Variants in IMMP2L observed in about 807,000 individuals in gnomAD.
IMMP2L encodes inner mitochondrial membrane peptidase subunit 2.
Under a neutral mutation model 19.3 loss-of-function variants are expected in IMMP2L, and 18 were observed. That is an observed-to-expected ratio of 0.93 (90% CI 0.64 to 1.38). The LOEUF (loss-of-function observed/expected upper bound fraction) is 1.38, where lower values mean the gene tolerates loss of function less well. Ranked by LOEUF, IMMP2L falls within the 40% of genes most tolerant of loss-of-function variation. IMMP2L has a pLI of 0.00. For missense variants in IMMP2L, 233 were observed against 218.2 expected, an observed-to-expected ratio of 1.07 and a Z score of -0.43; for synonymous variants, 76 against 73.0, an observed-to-expected ratio of 1.04 and a Z score of -0.21.
chr7:111,257,904 T>C (rs1816892549), intron 3 of IMMP2L, among the ~76,000 whole-genome samples: 3 of 151,976 alleles, frequency 2.0e-5, no homozygotes, highest in African/African-American at 7.3e-5. Context: ...TTACATTAGG[T>C]ATTTCTCCTA....
intron 3 of IMMP2L, among the ~76,000 whole-genome samples, chr7:111,069,864 A>G (rs2129575248): frequency 6.6e-6 from 1 of 152,288 alleles, no homozygotes; most frequent in South Asian, 2.1e-4. Flanking sequence ...TCCAGGGCCA[A>G]AGACAGGACA....
chr7:110,748,109 C>G (rs760902952), intron 5 of IMMP2L, among the ~76,000 whole-genome samples: 1 of 152,094 alleles, frequency 6.6e-6, no homozygotes, highest in Non-Finnish European at 1.5e-5. Flanking sequence ...CAATAACAGA[C>G]AAACAGAGAG....
At chr7:111,515,912 A>T (rs913990845) in intron 2 of IMMP2L, among the ~76,000 whole-genome samples, 1 of 152,144 alleles carries the variant, frequency 6.6e-6, no homozygotes, top group Non-Finnish European at 1.5e-5. Context: ...AACCAAAATA[A>T]AATGGAATAA....
intron 4 of IMMP2L, among the ~76,000 whole-genome samples, chr7:110,915,509 A>G (rs547114895): frequency 2.6e-5 from 4 of 152,196 alleles, no homozygotes; most frequent in Admixed American, 6.6e-5. Context: ...AGTTGCAGTT[A>G]TAAGATAAAT....
At position 111,413,399 on chromosome 7, in the gene IMMP2L, A is replaced by T. The variant is rs38745; in HGVS notation, c.239+73839T>A. Reference sequence around the variant, plus strand: ...CCAAATCCAGATAGAGATTACAAAAAAAAAATAAAAGACAGACCAATGTAT... The same window carrying T: ...CCAAATCCAGATAGAGATTACAAAATAAAAATAAAAGACAGACCAATGTAT... On this transcript the variant is annotated intron_variant, in intron 3 of 5. Coordinates refer to ENST00000405709, the MANE Select transcript of IMMP2L (RefSeq NM_032549.4). Among the ~76,000 whole-genome samples, 640 of 152,182 alleles carry T rather than the reference A, an allele frequency of 4.2e-3. 2 individuals are homozygous for T. Among genetic ancestry groups the T allele is most frequent in the Non-Finnish European group, 6.4e-3 (438 of 67,994 alleles).
chr7:110,836,407 T>A (rs1487005126), intron 5 of IMMP2L, among the ~76,000 whole-genome samples: 1 of 152,106 alleles, frequency 6.6e-6, no homozygotes, highest in Non-Finnish European at 1.5e-5. Context: ...ATGATAGAGG[T>A]AGGTCTTTCC....
intron 5 of IMMP2L, among the ~76,000 whole-genome samples, chr7:110,847,581 C>T (rs1224646912): frequency 6.6e-6 from 1 of 151,938 alleles, no homozygotes; most frequent in Non-Finnish European, 1.5e-5. Flanking sequence ...TAAAGTGTAC[C>T]TGGAGAAGGA....
At chr7:110,885,843 T>C (rs1401983631) in intron 5 of IMMP2L, among the ~76,000 whole-genome samples, 1 of 151,972 alleles carries the variant, frequency 6.6e-6, no homozygotes, top group Non-Finnish European at 1.5e-5. Flanking sequence ...AAAACATTAT[T>C]CCATGGGAAG....
intron 5 of IMMP2L, among the ~76,000 whole-genome samples, chr7:110,797,349 G>A (rs1405559140): frequency 1.3e-5 from 2 of 151,962 alleles, no homozygotes; most frequent in Admixed American, 1.3e-4. Flanking sequence ...GAGCTTTAAG[G>A]AAGAAATAAT....
At chr7:111,031,407 T>TGTGTGTGTGTGTGTGTGTGTGTGTAA (rs147571783) in intron 3 of IMMP2L, among the ~76,000 whole-genome samples, 8 of 147,102 alleles carry the variant, frequency 5.4e-5, no homozygotes, top group East Asian at 2.0e-4. Flanking sequence ...TGTGTGTGTG[T>TGTGTGTGTGTGTGTGTGTGTGTGTAA]GAGAGAAAGA....
At chr7:111,110,903 C>T (rs1346753978) in intron 3 of IMMP2L, among the ~76,000 whole-genome samples, 1 of 152,128 alleles carries the variant, frequency 6.6e-6, no homozygotes, top group Non-Finnish European at 1.5e-5. Context: ...AATTTCTTCT[C>T]CTAACTCAGA....
intron 3 of IMMP2L, among the ~76,000 whole-genome samples, chr7:111,328,447 C>T (rs1563064518): frequency 6.6e-6 from 1 of 151,650 alleles, no homozygotes; most frequent in Non-Finnish European, 1.5e-5. Flanking sequence ...CCTTCTTGCT[C>T]CTTATTGGTA....
intron 1 of IMMP2L, among the ~76,000 whole-genome samples, chr7:111,539,210 GA>G (rs1563330920): frequency 2.9e-5 from 2 of 67,982 alleles, no homozygotes; most frequent in South Asian, 5.0e-4. Context: ...AAGAAAGAAA[GA>G]AAGAAAGAAA....
chr7:110,873,458 A>T (rs1391530715), intron 5 of IMMP2L, among the ~76,000 whole-genome samples: 11 of 146,314 alleles, frequency 7.5e-5, no homozygotes, highest in South Asian at 2.2e-4. Flanking sequence ...AAAAAAAAAA[A>T]GTTAAAAGAA....
At position 111,131,570 on chromosome 7, in the gene IMMP2L, T is replaced by C. The variant is rs151296232; in HGVS notation, c.240-168005A>G. Among the ~76,000 whole-genome samples the C allele has an allele frequency of 4.3e-3, 661 of 152,028 alleles. 3 individuals are homozygous for C. The highest frequency in any genetic ancestry group is 0.017 in the Middle Eastern group (5 of 294). On this transcript the variant is annotated intron_variant, in intron 3 of 5. Coordinates refer to ENST00000405709, the MANE Select transcript of IMMP2L (RefSeq NM_032549.4). ...CCACTTCAGATCTAAAGAAGAGGTGTGGGAAAATGAACATTTGCCATCTTA... is the reference window on the plus strand; with the variant it reads ...CCACTTCAGATCTAAAGAAGAGGTGCGGGAAAATGAACATTTGCCATCTTA...
intron 3 of IMMP2L, among the ~76,000 whole-genome samples, chr7:110,996,910 G>A (rs376252518): frequency 8.0e-4 from 121 of 152,068 alleles, no homozygotes; most frequent in African/African-American, 2.7e-3. Flanking sequence ...GTATGTATGC[G>A]TTGGTGTGCA....
At chr7:110,817,891 G>A (rs908203149) in intron 5 of IMMP2L, among the ~76,000 whole-genome samples, 1 of 152,108 alleles carries the variant, frequency 6.6e-6, no homozygotes, top group Non-Finnish European at 1.5e-5. Context: ...AAATGGTGCT[G>A]CGAAAACTGG....
rs768307256 is a variant in IMMP2L at position 110,886,573 on chromosome 7, G to C, written c.408+20C>G. 6 of 1,332,998 alleles carry C rather than the reference G, an allele frequency of 4.5e-6. No homozygotes were observed. The South Asian group carries it at 7.0e-5, about 16-fold the overall frequency. 82.6% of individuals were successfully genotyped at this position (1,332,998 alleles called of 1,614,324 possible). A position where few individuals can be genotyped will look rare whatever the true frequency, so the allele number is the denominator to read the frequency against. On this transcript the variant is annotated intron_variant, in intron 5 of 5. Transcript: ENST00000405709. ...CTTTGAAATCCAATTACATCAACAA[G>C]AAGATAAAAGATGACTTACCGGCCC...
chr7:110,977,787 T>C, intron 3 of IMMP2L, among the ~76,000 whole-genome samples: 1 of 151,856 alleles, frequency 6.6e-6, no homozygotes, highest in Non-Finnish European at 1.5e-5. Flanking sequence ...TCATAAGACC[T>C]TTGAAATAAT....
Sources: allele counts gnomAD v4.1 joint callset (sites outside exome capture counted in the v4.1 genomes callset), GRCh38; gene constraint gnomAD v4.1.1; transcripts MANE v1.5; gene names NCBI Gene and HGNC (gene_info 2026-07-23, HGNC 2026-07-21).